Variants in RAB38 observed in about 807,000 individuals in gnomAD.
RAB38 encodes ras-related protein Rab-38.
A neutral mutation model predicts 18.4 loss-of-function variants in RAB38; 15 were observed. The ratio of observed to expected loss-of-function variants is 0.82; its 90% confidence interval spans 0.55 to 1.26. The LOEUF is 1.26. Ranked by LOEUF, RAB38 falls within the 50% of genes most tolerant of loss-of-function variation. The pLI is 0.00. For synonymous variants in RAB38, 101 were observed against 104.4 expected, an observed-to-expected ratio of 0.97 and a Z score of 0.20; for missense variants, 294 against 267.4, an observed-to-expected ratio of 1.10 and a Z score of -0.69.
At chr11:87,849,741 A>C in the RAB38 span, among the ~76,000 whole-genome samples, 2 of 152,294 alleles carry the variant, frequency 1.3e-5, no homozygotes, top group African/African-American at 4.8e-5. Flanking sequence ...ACTTCCCTGA[A>C]TAAAATTAAT....
At chr11:87,948,186 G>A in the RAB38 span, among the ~76,000 whole-genome samples, 4 of 152,094 alleles carry the variant, frequency 2.6e-5, no homozygotes, top group South Asian at 6.2e-4. Context: ...TCATGATTTG[G>A]CTCTCTGTTT....
chr11:88,069,834 T>C, the RAB38 span, among the ~76,000 whole-genome samples: 1 of 57,740 alleles, frequency 1.7e-5, no homozygotes, highest in Non-Finnish European at 3.3e-5. Context: ...GTCTAGTTAA[T>C]CTAGTGGGTT....
chr11:88,021,224 C>T, the RAB38 span, among the ~76,000 whole-genome samples: 3 of 151,906 alleles, frequency 2.0e-5, no homozygotes, highest in Non-Finnish European at 2.9e-5. Flanking sequence ...AGAGAAGACC[C>T]AAATAAGTAA....
At chr11:88,047,742 G>T in the RAB38 span, among the ~76,000 whole-genome samples, 1 of 152,166 alleles carries the variant, frequency 6.6e-6, no homozygotes, top group African/African-American at 2.4e-5. Context: ...TCAGGACAAT[G>T]CTTATGCCGG....
rs754098356 is a variant in RAB38, at chr11:88,175,251, T to A, written c.134A>T (p.Asp45Val). 1 of 1,614,140 alleles carries A rather than the reference T, an allele frequency of 6.2e-7. No homozygotes were observed. The highest frequency in any genetic ancestry group is 1.7e-5 in the Admixed American group (1 of 60,028). ...SSHYRATIGVDFALKVLHWDP... is the reference protein window; with the variant it reads ...SSHYRATIGVVFALKVLHWDP... ...CCAGTGGAGCACCTTGAGCGCGAAG[T>A]CCACGCCGATTGTGGCCCGGTAGTG... is the stretch of plus-strand genomic sequence containing the variant. Residue 45 changes from aspartate to valine, a missense_variant, in exon 1 of 3, where the codon GAC (aspartate) becomes GTC (valine). Transcript: ENST00000243662.
At chr11:88,140,733 G>T (rs2134811890) in intron 2 of RAB38, among the ~76,000 whole-genome samples, 1 of 152,252 alleles carries the variant, frequency 6.6e-6, no homozygotes, top group African/African-American at 2.4e-5. Flanking sequence ...GGAATAAATG[G>T]AAGGAGTAGA....
At chr11:88,075,812 C>T in the RAB38 span, among the ~76,000 whole-genome samples, 4 of 151,080 alleles carry the variant, frequency 2.6e-5, no homozygotes, top group African/African-American at 7.3e-5. Context: ...GCGCAGGAGT[C>T]GGAGGTTGCA....
chr11:88,025,852 G>T, the RAB38 span, among the ~76,000 whole-genome samples: 1 of 152,140 alleles, frequency 6.6e-6, no homozygotes, highest in East Asian at 1.9e-4. Context: ...AGTTTATTTT[G>T]CTGTGTGGAA....
At chr11:88,043,235 A>C in the RAB38 span, among the ~76,000 whole-genome samples, 2 of 152,166 alleles carry the variant, frequency 1.3e-5, no homozygotes, top group African/African-American at 2.4e-5. Context: ...CAACACTCTC[A>C]GCTAGATCGT....
chr11:88,053,798 T>TA, the RAB38 span, among the ~76,000 whole-genome samples: 1 of 151,686 alleles, frequency 6.6e-6, no homozygotes, highest in South Asian at 2.1e-4. Context: ...AAGCTTTTTT[T>TA]TTTTTTTTAT....
the RAB38 span, among the ~76,000 whole-genome samples, chr11:87,851,394 T>A: frequency 2.0e-5 from 3 of 152,310 alleles, no homozygotes; most frequent in South Asian, 6.2e-4. Flanking sequence ...AGTCACAAGT[T>A]ATTTTTTCCC....
chr11:88,079,293 T>A, the RAB38 span, among the ~76,000 whole-genome samples: 1 of 151,840 alleles, frequency 6.6e-6, no homozygotes, highest in Non-Finnish European at 1.5e-5. Flanking sequence ...GCAATTATTA[T>A]TCAAAAATGT....
chr11:87,977,570 T>C, the RAB38 span, among the ~76,000 whole-genome samples: 1 of 118,466 alleles, frequency 8.4e-6, no homozygotes, highest in East Asian at 2.5e-4. Context: ...ATAATATACT[T>C]ATGTAACATA....
At chr11:88,064,593 T>A in the RAB38 span, among the ~76,000 whole-genome samples, 1 of 152,264 alleles carries the variant, frequency 6.6e-6, no homozygotes, top group Non-Finnish European at 1.5e-5. Context: ...CTTATTCTCT[T>A]AAGCCACTGA....
the RAB38 span, among the ~76,000 whole-genome samples, chr11:88,005,155 A>G: frequency 6.6e-6 from 1 of 151,462 alleles, no homozygotes; most frequent in African/African-American, 2.4e-5. Flanking sequence ...TGGAAAATCA[A>G]GAAAATAAAA....
chr11:87,857,180 A>G, the RAB38 span, among the ~76,000 whole-genome samples: 1 of 152,178 alleles, frequency 6.6e-6, no homozygotes, highest in African/African-American at 2.4e-5. Flanking sequence ...ATGTCCCTAC[A>G]AAGGACAGGA....
the RAB38 span, among the ~76,000 whole-genome samples, chr11:87,953,217 G>A: frequency 2.0e-5 from 3 of 152,120 alleles, no homozygotes; most frequent in African/African-American, 4.8e-5. Context: ...TACATTCTCT[G>A]GGAAGAACAA....
At chr11:87,963,716 G>A in the RAB38 span, among the ~76,000 whole-genome samples, 4 of 149,756 alleles carry the variant, frequency 2.7e-5, no homozygotes, top group South Asian at 2.1e-4. Context: ...GTATGGTCTC[G>A]GCTCCCTGCA....
At chr11:88,004,099 A>G in the RAB38 span, among the ~76,000 whole-genome samples, 3 of 145,942 alleles carry the variant, frequency 2.1e-5, no homozygotes, top group Admixed American at 7.2e-5. Context: ...TCCTTTACTA[A>G]TTTTATGAAA....
Sources: gnomAD v4.1 joint callset for allele counts (sites outside exome capture counted in the v4.1 genomes callset) on GRCh38, gnomAD v4.1.1 for gene constraint, MANE v1.5 for transcripts, NCBI Gene and HGNC (gene_info 2026-07-23, HGNC 2026-07-21) for gene names.